FTCDNL1: variants seen among roughly 807,000 people sequenced by gnomAD.
The protein encoded by FTCDNL1 is formiminotransferase N-terminal subdomain-containing protein.
In FTCDNL1, 11 loss-of-function variants were observed where a neutral mutation model predicts 5.9. That is an observed-to-expected ratio of 1.87 (90% CI 1.18 to 3.10). The LOEUF (loss-of-function observed/expected upper bound fraction) is 3.10. Ranked by LOEUF, FTCDNL1 falls within the 30% of genes most tolerant of loss-of-function variation. The pLI is 0.00. For synonymous variants in FTCDNL1, 58 were observed against 24.8 expected, an observed-to-expected ratio of 2.34 and a Z score of -3.99; for missense variants, 115 against 65.5, an observed-to-expected ratio of 1.76 and a Z score of -2.61.
intron 3 of FTCDNL1, among the ~76,000 whole-genome samples, chr2:199,795,107 T>G (rs1234798710): frequency 1.3e-5 from 2 of 152,140 alleles, no homozygotes; most frequent in African/African-American, 4.8e-5. Flanking sequence ...TAATAAAAAT[T>G]TGACTTGGAC....
At chr2:199,667,028 G>A in the FTCDNL1 span, among the ~76,000 whole-genome samples, 826 of 151,850 alleles carry the variant, frequency 5.4e-3, 12 homozygotes, top group African/African-American at 0.019. Context: ...TAAATACATT[G>A]GAAAGCACAC....
the FTCDNL1 span, among the ~76,000 whole-genome samples, chr2:199,736,755 TGTGA>T: frequency 2.0e-5 from 3 of 152,252 alleles, no homozygotes; most frequent in Non-Finnish European, 4.4e-5. Context: ...AATCTACAAC[TGTGA>T]GTGTCTACAC....
the FTCDNL1 span, among the ~76,000 whole-genome samples, chr2:199,703,011 GGTTTGTTT>G: frequency 2.7e-3 from 403 of 150,612 alleles, 3 homozygotes; most frequent in African/African-American, 7.5e-3. Flanking sequence ...AAGGACTCTG[GGTTTGTTT>G]GTTTGTTTGT....
the FTCDNL1 span, among the ~76,000 whole-genome samples, chr2:199,714,704 G>A: frequency 6.6e-6 from 1 of 152,126 alleles, no homozygotes; most frequent in African/African-American, 2.4e-5. Flanking sequence ...AGGAATGCTG[G>A]GGGGTTTCAG....
At chr2:199,754,427 A>G in the FTCDNL1 span, among the ~76,000 whole-genome samples, 1 of 152,168 alleles carries the variant, frequency 6.6e-6, no homozygotes, top group South Asian at 2.1e-4. Flanking sequence ...GCAGCATATC[A>G]GGGCTGGTGG....
intron 3 of FTCDNL1, among the ~76,000 whole-genome samples, chr2:199,775,486 G>A (rs1203453919): frequency 6.6e-6 from 1 of 152,150 alleles, no homozygotes; most frequent in Admixed American, 6.5e-5. Flanking sequence ...TTAAGGCCAG[G>A]AGCAATTTCC....
At chr2:199,822,340 G>A (rs1701746703) in intron 3 of FTCDNL1, among the ~76,000 whole-genome samples, 1 of 152,180 alleles carries the variant, frequency 6.6e-6, no homozygotes, top group South Asian at 2.1e-4. Context: ...GAAGGTCAAG[G>A]CTGCAATGAG....
chr2:199,772,793 G>A (rs1181653256), intron 3 of FTCDNL1, among the ~76,000 whole-genome samples: 1 of 152,158 alleles, frequency 6.6e-6, no homozygotes, highest in South Asian at 2.1e-4. Context: ...GTATTCTGTC[G>A]TCTGTTCCAT....
chr2:199,807,086 G>C (rs2106429722), downstream of FTCDNL1, among the ~76,000 whole-genome samples: 1 of 152,326 alleles, frequency 6.6e-6, no homozygotes, highest in East Asian at 1.9e-4. Context: ...CTGCGTATGG[G>C]TCGGGGTATT....
At chr2:199,741,218 G>A in the FTCDNL1 span, among the ~76,000 whole-genome samples, 3 of 152,182 alleles carry the variant, frequency 2.0e-5, no homozygotes, top group Non-Finnish European at 2.9e-5. Flanking sequence ...CGACGCTGCC[G>A]TGAGCTATGA....
At chr2:199,691,831 T>C in the FTCDNL1 span, among the ~76,000 whole-genome samples, 1 of 152,152 alleles carries the variant, frequency 6.6e-6, no homozygotes, top group African/African-American at 2.4e-5. Context: ...TAATGAGCAA[T>C]TGTCTAATAA....
At chr2:199,734,864 A>C in the FTCDNL1 span, among the ~76,000 whole-genome samples, 2 of 152,202 alleles carry the variant, frequency 1.3e-5, no homozygotes, top group African/African-American at 4.8e-5. Context: ...ATGTAGATTA[A>C]ATTTCTCTTG....
chr2:199,733,682 C>G, the FTCDNL1 span, among the ~76,000 whole-genome samples: 2 of 152,162 alleles, frequency 1.3e-5, no homozygotes, highest in African/African-American at 4.8e-5. Context: ...CAAGTTCTTC[C>G]TGCTCCGTAT....
intron 3 of FTCDNL1, among the ~76,000 whole-genome samples, chr2:199,828,425 T>C (rs1272369571): frequency 6.6e-6 from 1 of 152,220 alleles, no homozygotes; most frequent in Non-Finnish European, 1.5e-5. Context: ...GGCATTATCA[T>C]TTAAAGCAAT....
intron 3 of FTCDNL1, among the ~76,000 whole-genome samples, chr2:199,770,929 T>C (rs115238316): frequency 6.6e-6 from 1 of 152,198 alleles, no homozygotes; most frequent in African/African-American, 2.4e-5. Context: ...AAGCTCTTAC[T>C]CTGCTAAGGA....
chr2:199,824,314 G>A (rs1701887200), intron 3 of FTCDNL1, among the ~76,000 whole-genome samples: 1 of 152,212 alleles, frequency 6.6e-6, no homozygotes, highest in Admixed American at 6.5e-5. Context: ...ACAGAATAGA[G>A]GAAGAATTAC....
At chr2:199,672,130 T>G in the FTCDNL1 span, among the ~76,000 whole-genome samples, 1 of 152,198 alleles carries the variant, frequency 6.6e-6, no homozygotes, top group African/African-American at 2.4e-5. Flanking sequence ...GCCAATCACC[T>G]GCTGATTGAC....
the FTCDNL1 span, among the ~76,000 whole-genome samples, chr2:199,711,579 C>A: frequency 6.6e-6 from 1 of 152,028 alleles, no homozygotes; most frequent in Non-Finnish European, 1.5e-5. Context: ...CAGGGCTATA[C>A]CATTTTGCAA....
chr2:199,748,272 G>T, the FTCDNL1 span, among the ~76,000 whole-genome samples: 10 of 152,280 alleles, frequency 6.6e-5, no homozygotes, highest in East Asian at 1.9e-3. Flanking sequence ...AAATTCTGAT[G>T]AAGTCATCTC....
Sources: allele counts gnomAD v4.1 joint callset (sites outside exome capture counted in the v4.1 genomes callset), GRCh38; gene constraint gnomAD v4.1.1; transcripts MANE v1.5; gene names NCBI Gene and HGNC (gene_info 2026-07-23, HGNC 2026-07-21).